USP46: variants seen among roughly 807,000 people sequenced by gnomAD.
The protein encoded by USP46 is ubiquitin carboxyl-terminal hydrolase 46.
In USP46, 12 loss-of-function variants were observed where a neutral mutation model predicts 44.4. The ratio of observed to expected loss-of-function variants is 0.27; its 90% CI spans 0.17 to 0.44. USP46 has a LOEUF of 0.44. Ranked by LOEUF, USP46 falls within the 20% of genes least tolerant of loss-of-function variation. USP46 has a pLI of 1.00. For missense variants in USP46, 248 were observed against 444.8 expected (o/e 0.56, Z 3.98); for synonymous variants, 155 against 161.5 (o/e 0.96, Z 0.31).
chr4:52,647,781 T>C (rs1718604550), intron 1 of USP46, among the ~76,000 whole-genome samples: 1 of 152,216 alleles, frequency 6.6e-6, no homozygotes, highest in Non-Finnish European at 1.5e-5. Context: ...GCTCGTCTTC[T>C]TGCCACTGCT....
At chr4:52,604,430 A>G in intron 6 of USP46, 71 bp downstream of exon 6, 3 of 1,333,540 alleles carry the variant, frequency 2.2e-6, no homozygotes, top group Non-Finnish European at 3.2e-6. Context: ...TTCAAAGCCA[A>G]CCCTGCTGGG....
chr4:52,654,222 G>T (rs964311590), intron 1 of USP46, among the ~76,000 whole-genome samples: 1 of 152,094 alleles, frequency 6.6e-6, no homozygotes, highest in Non-Finnish European at 1.5e-5. Context: ...TCTAATCCCA[G>T]CAACTATCAG....
At chr4:52,628,739 G>A (rs376221084) in intron 2 of USP46, among the ~76,000 whole-genome samples, 1 of 152,108 alleles carries the variant, frequency 6.6e-6, no homozygotes, top group Non-Finnish European at 1.5e-5. Flanking sequence ...ACACAGCAAC[G>A]CAGGCAAAAA....
chr4:52,609,771 T>C (rs1716850480), intron 5 of USP46, among the ~76,000 whole-genome samples: 1 of 151,514 alleles, frequency 6.6e-6, no homozygotes, highest in Admixed American at 6.6e-5. Flanking sequence ...GGCTACTTCA[T>C]ACTCACCCAC....
At chr4:52,633,482 G>T (rs1269187233) in intron 1 of USP46, among the ~76,000 whole-genome samples, 2 of 152,008 alleles carry the variant, frequency 1.3e-5, no homozygotes, top group Non-Finnish European at 2.9e-5. Context: ...GGACTTTTTG[G>T]TATAGACAAA....
At chr4:52,615,595 A>G (rs1717102090) in intron 4 of USP46, among the ~76,000 whole-genome samples, 1 of 152,212 alleles carries the variant, frequency 6.6e-6, no homozygotes, top group African/African-American at 2.4e-5. Flanking sequence ...AATGAATCTC[A>G]AAAACGTTAT....
intron 4 of USP46, among the ~76,000 whole-genome samples, chr4:52,611,612 C>A (rs144319011): frequency 1.9e-3 from 285 of 152,230 alleles, no homozygotes; most frequent in African/African-American, 6.0e-3. Context: ...GGGGGCCAGG[C>A]GTGGTGGCTC....
At chr4:52,599,733 A>G (rs948838222) in intron 7 of USP46, among the ~76,000 whole-genome samples, 30 of 152,150 alleles carry the variant, frequency 2.0e-4, no homozygotes, top group Admixed American at 1.8e-3. Flanking sequence ...GTTAAAGTTG[A>G]AAAAGCCAAA....
chr4:52,617,634 T>C (rs1015798642), intron 4 of USP46, among the ~76,000 whole-genome samples: 3 of 152,144 alleles, frequency 2.0e-5, no homozygotes, highest in African/African-American at 4.8e-5. Context: ...TAGAATGACA[T>C]AGTCAAAAGC....
intron 5 of USP46, among the ~76,000 whole-genome samples, chr4:52,605,713 AAATGATC>A (rs1265126833): frequency 6.6e-6 from 1 of 152,168 alleles, no homozygotes; most frequent in African/African-American, 2.4e-5. Context: ...TGACAACATG[AAATGATC>A]AGTGCAGCTT....
At chr4:52,619,824 T>C (rs939167343) in intron 4 of USP46, among the ~76,000 whole-genome samples, 6 of 152,076 alleles carry the variant, frequency 3.9e-5, no homozygotes, top group African/African-American at 9.7e-5. Flanking sequence ...AAAAAAAAGA[T>C]TAAATGACTG....
At chr4:52,619,798 G>A (rs1347347381) in intron 4 of USP46, among the ~76,000 whole-genome samples, 1 of 152,102 alleles carries the variant, frequency 6.6e-6, no homozygotes, top group Non-Finnish European at 1.5e-5. Context: ...TCATAGAAGG[G>A]ACTCAGCACT....
intron 3 of USP46, 94 bp downstream of exon 3, chr4:52,627,856 C>CA (rs1390899333): frequency 2.9e-6 from 4 of 1,369,390 alleles, no homozygotes; most frequent in African/African-American, 1.5e-5. Context: ...TTTCCCTTTT[C>CA]AAAAAAATGC....
chr4:52,608,491 A>T (rs1397101911), intron 5 of USP46, among the ~76,000 whole-genome samples: 2 of 152,228 alleles, frequency 1.3e-5, no homozygotes, highest in Admixed American at 6.5e-5. Flanking sequence ...GCCTCCCAGG[A>T]GCTGAGGAGA....
chr4:52,592,630 G>C lies in USP46; in HGVS notation c.*5010C>G, dbSNP rs1716063552. 1 of 336,782 alleles carries C rather than the reference G, an allele frequency of 3.0e-6. No individual in the cohort carries two copies. The highest frequency in any genetic ancestry group is 5.3e-6 in the Non-Finnish European group (1 of 187,970). 20.9% of individuals were successfully genotyped at this position (336,782 alleles called of 1,614,324 possible). A position where few individuals can be genotyped will look rare whatever the true frequency, so the allele number is the denominator to read the frequency against. On this transcript the variant is annotated 3_prime_UTR_variant, in exon 9 of 9. Coordinates refer to ENST00000441222, the MANE Select transcript of USP46 (RefSeq NM_022832.4). ...TGGGAGGCTGAGGCACCTGAAGTCAGGAGTTCCAGACCAGCTTGGCCAATA... is the reference window on the plus strand; with the variant it reads ...TGGGAGGCTGAGGCACCTGAAGTCACGAGTTCCAGACCAGCTTGGCCAATA...
chr4:52,626,139 C>G lies in USP46; in HGVS notation c.440G>C (p.Gly147Ala), dbSNP rs1185457838. Residue 147 changes from glycine to alanine, a missense_variant, in exon 4 of 9, where the codon GGA (glycine) becomes GCA (alanine). By Grantham distance (60) the Gly-to-Ala change is moderately conservative. This residue lies in a region of USP46 where 37 missense variants were observed against 30.6 expected (regional missense o/e 1.21). Coordinates refer to ENST00000441222, the MANE Select transcript of USP46 (RefSeq NM_022832.4). The part of the protein sequence containing the change: ...QEEKKQEKQN[G>A]KLKNGNMNEP... Reference sequence around the variant, plus strand: ...GTTCATGTTGCCATTTTTTAATTTTCCATTTTGTTTTTCCTGTTTCTTCTC... The same window carrying G: ...GTTCATGTTGCCATTTTTTAATTTTGCATTTTGTTTTTCCTGTTTCTTCTC... 2 of 1,613,802 alleles carry G rather than the reference C, an allele frequency of 1.2e-6. No individual in the cohort carries two copies. The highest frequency in any genetic ancestry group is 8.5e-7 in the Non-Finnish European group (1 of 1,179,820).
chr4:52,612,359 C>A (rs1249459991), intron 4 of USP46, among the ~76,000 whole-genome samples: 1 of 152,170 alleles, frequency 6.6e-6, no homozygotes, highest in Non-Finnish European at 1.5e-5. Flanking sequence ...TGGTAGAATG[C>A]ATTAGTAGCC....
At chr4:52,648,553 C>T (rs540535496) in intron 1 of USP46, among the ~76,000 whole-genome samples, 4 of 152,280 alleles carry the variant, frequency 2.6e-5, no homozygotes, top group African/African-American at 9.6e-5. Flanking sequence ...GACAAACTGA[C>T]ATTTGAGTAT....
Position 52,592,721 on chromosome 4 carries a change from C to G in USP46, c.*4919G>C, listed in dbSNP as rs1716069427. 3 of 395,136 alleles carry G rather than the reference C, an allele frequency of 7.6e-6. No individual in the cohort carries two copies. The highest frequency in any genetic ancestry group is 1.3e-5 in the Non-Finnish European group (3 of 224,542). 24.5% of individuals were successfully genotyped at this position (395,136 alleles called of 1,614,324 possible). ...GGGTATAGTGGCACATGCCTGTAGTCCCAGCTACTTGGGAGGCTGAGGCAG... is the reference window on the plus strand; with the variant it reads ...GGGTATAGTGGCACATGCCTGTAGTGCCAGCTACTTGGGAGGCTGAGGCAG... On this transcript the variant is annotated 3_prime_UTR_variant, in exon 9 of 9. Coordinates refer to ENST00000441222, the MANE Select transcript of USP46 (RefSeq NM_022832.4).
Sources: allele counts gnomAD v4.1 joint callset (sites outside exome capture counted in the v4.1 genomes callset), GRCh38; gene constraint gnomAD v4.1.1; regional missense constraint gnomAD v4.1.1; transcripts MANE v1.5; gene names NCBI Gene and HGNC (gene_info 2026-07-23, HGNC 2026-07-21).